ICAM5: variants seen among roughly 807,000 people sequenced by gnomAD.
ICAM5 encodes ICAM-5.
A neutral mutation model predicts 78.8 loss-of-function variants in ICAM5; 38 were observed. The ratio of observed to expected loss-of-function variants is 0.48; its 90% CI spans 0.37 to 0.63. The LOEUF (loss-of-function observed/expected upper bound fraction) is 0.63, where lower values mean the gene tolerates loss of function less well. Ranked by LOEUF, ICAM5 falls within the 30% of genes least tolerant of loss-of-function variation. The pLI is 0.00. For missense variants in ICAM5, 1,059 were observed against 1,303.0 expected, an observed-to-expected ratio of 0.81 and a Z score of 2.88; for synonymous variants, 544 against 590.9, an observed-to-expected ratio of 0.92 and a Z score of 1.15.
Position 10,291,682 on chromosome 19 carries a change from AG to A in ICAM5, c.547del (p.Ala183ProfsTer65), listed in dbSNP as rs774026450. On this transcript the variant is annotated frameshift_variant, in exon 3 of 11. Transcript: ENST00000221980. LOFTEE classifies it high-confidence loss of function. ...CCCGAGCGCGGGGCGCGGTGCTCAC[AG>A]CCACGGTACTGGCTCGGAGGGAGGA... ...PPRARGAVLT[A>X]TVLARREDHG... 1 of 1,612,654 alleles carries A rather than the reference AG, an allele frequency of 6.2e-7. No homozygotes were observed. The highest frequency in any genetic ancestry group is 8.5e-7 in the Non-Finnish European group (1 of 1,179,904).
In ICAM5 at chr19:10,294,696, A is replaced by C; in HGVS notation, c.2230+56A>C. 6.2e-7 allele frequency: 1 copy of C among 1,605,828 alleles called. No individual in the cohort carries two copies. Among genetic ancestry groups the C allele is most frequent in the East Asian group, 2.2e-5 (1 of 44,656 alleles). ...CACGGTCCTCGGAAGAATGACTCGCAGCGGTGGGAGCATTCAAGGGCACCT... is the reference window on the plus strand; with the variant it reads ...CACGGTCCTCGGAAGAATGACTCGCCGCGGTGGGAGCATTCAAGGGCACCT... On this transcript the variant is annotated intron_variant, in intron 9 of 10. Transcript: ENST00000221980. The surrounding 1 kb of genome is among the most constrained non-coding windows in gnomAD (Gnocchi z 7.7).
At chr19:10,292,463 T>C (rs936472248) in intron 4 of ICAM5, 141 bp downstream of exon 4, 7 of 1,364,744 alleles carry the variant, frequency 5.1e-6, no homozygotes, top group Non-Finnish European at 7.0e-6. Context: ...ACGTAATCGC[T>C]GGGGAGGAGG....
At position 10,293,991 on chromosome 19, in the gene ICAM5, G is replaced by T; in HGVS notation, c.1711+48G>T. The T allele has an allele frequency of 6.3e-7, 1 of 1,597,164 alleles. No individual in the cohort carries two copies. Among genetic ancestry groups the T allele is most frequent in the Admixed American group, 1.7e-5 (1 of 59,228 alleles). On this transcript the variant is annotated intron_variant, in intron 7 of 10. Transcript: ENST00000221980. This position sits in a 1 kb window ranked among gnomAD's most constrained non-coding sequence, Gnocchi z 5.0. ...TAGGCAGGATCTGTGGGACAACCCC[G>T]GCTGGACTTCCTGGCCCCCGTGTGA...
At position 10,290,703 on chromosome 19, in the gene ICAM5, C is replaced by T; in HGVS notation, c.83-369C>T. The stretch of plus-strand genomic sequence containing the variant: ...CTCTCCTCGTATCCCGGCATTCTGC[C>T]AGGACCCTGAGAACTGGTTCATCCC... On this transcript the variant is annotated intron_variant, in intron 1 of 10. Transcript: ENST00000221980. The surrounding 1 kb of genome is among the most constrained non-coding windows in gnomAD (Gnocchi z 5.7). 1 of 338,018 alleles carries T rather than the reference C, an allele frequency of 3.0e-6. No individual in the cohort carries two copies. Among genetic ancestry groups the T allele is most frequent in the Non-Finnish European group, 5.4e-6 (1 of 184,032 alleles). The allele number at this position is 338,018 out of a possible 1,614,324, so 20.9% of individuals were successfully genotyped here.
At position 10,290,479 on chromosome 19, in the gene ICAM5, T is replaced by A. The variant is rs1350035161; in HGVS notation, c.82+354T>A. ...TTCCCCACTCGCGGTCCGCGAAGAC[T>A]CCATCTCTCCAACTACCCTGACTCA... On this transcript the variant is annotated intron_variant, in intron 1 of 10. Coordinates refer to ENST00000221980, the MANE Select transcript of ICAM5 (RefSeq NM_003259.4). The surrounding 1 kb of genome is among the most constrained non-coding windows in gnomAD (Gnocchi z 5.7). 1.2e-5 allele frequency: 3 copies of A among 256,988 alleles called. No individual in the cohort carries two copies. Among genetic ancestry groups the A allele is most frequent in the African/African-American group, 4.5e-5 (2 of 44,624 alleles). The allele number at this position is 256,988 out of a possible 1,614,324, so 15.9% of individuals were successfully genotyped here.
chr19:10,290,999 C>G lies in ICAM5; in HGVS notation c.83-73C>G. The G allele has an allele frequency of 1.7e-5, 26 of 1,500,774 alleles. No individual in the cohort carries two copies. The South Asian group carries it at 2.9e-4, about 17-fold the overall frequency. The allele number at this position is 1,500,774 out of a possible 1,614,324, so 93.0% of individuals were successfully genotyped here. A position where few individuals can be genotyped will look rare whatever the true frequency, so the allele number is the denominator to read the frequency against. ...TCCTCCTCCCCGCCCTCTGAGAACC[C>G]TTGACTCGACATAGGGGCGCTAAGA... On this transcript the variant is annotated intron_variant, in intron 1 of 10. Coordinates refer to ENST00000221980, the MANE Select transcript of ICAM5 (RefSeq NM_003259.4). This position sits in a 1 kb window ranked among gnomAD's most constrained non-coding sequence, Gnocchi z 5.7.
In ICAM5 at chr19:10,291,207, G is replaced by C. The variant is rs2040168788; in HGVS notation, c.218G>C (p.Arg73Pro). Residue 73 changes from arginine to proline, a missense_variant, in exon 2 of 11, where the codon CGA (arginine) becomes CCA (proline). Physicochemically the swap from Arg to Pro is moderately radical, Grantham distance 103. Transcript: ENST00000221980. Reference protein sequence around the residue: ...ERGGLETSLRRNGTQRGLRWL... With the variant: ...ERGGLETSLRPNGTQRGLRWL... ...GGTGGCCTGGAGACCTCGCTGCGCC[G>C]AAACGGGACCCAGAGGGGTTTGCGT... is the stretch of plus-strand genomic sequence containing the variant. The C allele has an allele frequency of 6.2e-7, 1 of 1,612,354 alleles. No individual in the cohort carries two copies. The highest frequency in any genetic ancestry group is 8.5e-7 in the Non-Finnish European group (1 of 1,179,904).
chr19:10,291,033 A>C, intron 1 of ICAM5, 39 bp from the exon 2 acceptor site: 1 of 1,574,650 alleles, frequency 6.4e-7, no homozygotes, highest in Non-Finnish European at 8.6e-7. Flanking sequence ...GATGTCAGGG[A>C]GTTGGCTCCC....
In ICAM5 at chr19:10,291,175, G is replaced by T; in HGVS notation, c.186G>T (p.Pro62=). The T allele has an allele frequency of 6.2e-7, 1 of 1,612,282 alleles. No homozygotes were observed. Among genetic ancestry groups the T allele is most frequent in the Non-Finnish European group, 8.5e-7 (1 of 1,179,876 alleles). ...ATTGCAGCACCAACTGCCCTCGGCC[G>T]GAGCGCGGTGGCCTGGAGACCTCGC... ...WLNCSTNCPR[P]ERGGLETSLR... is the part of the protein sequence containing the mutation. The change falls in exon 2 of 11, where the codon CCG becomes CCT. Residue 62 remains proline, a synonymous_variant. Coordinates refer to ENST00000221980, the MANE Select transcript of ICAM5 (RefSeq NM_003259.4).
chr19:10,294,099 G>T lies in ICAM5; in HGVS notation c.1771G>T (p.Gly591Trp), dbSNP rs1416523008. ...CAATTGGACATGGGTGGAAGGATCTGGGCGCCTGTTTTCCTGTGAGGTCGA... is the reference window on the plus strand; with the variant it reads ...CAATTGGACATGGGTGGAAGGATCTTGGCGCCTGTTTTCCTGTGAGGTCGA... The part of the protein sequence containing the change: ...PSNWTWVEGS[G>W]RLFSCEVDGK... The change falls in exon 8 of 11, where the codon GGG becomes TGG. Residue 591 changes from glycine (G) to tryptophan (W), a missense_variant. Coordinates refer to ENST00000221980, the MANE Select transcript of ICAM5 (RefSeq NM_003259.4). This position sits in a 1 kb window ranked among gnomAD's most constrained non-coding sequence, Gnocchi z 7.7. 2 of 1,597,984 alleles carry T rather than the reference G, an allele frequency of 1.3e-6. No homozygotes were observed. Among genetic ancestry groups the T allele is most frequent in the Admixed American group, 1.8e-5 (1 of 56,132 alleles).
rs745563293 is a variant in ICAM5 at position 10,290,040 on chromosome 19, G to T, written c.-4G>T. ...TCGCCTCCTGTGCTTTCCCCGCCGC[G>T]GCGATGCCAGGGCCTTCGCCAGGGC... On this transcript the variant is annotated 5_prime_UTR_variant, in exon 1 of 11. Transcript: ENST00000221980. The surrounding 1 kb of genome is among the most constrained non-coding windows in gnomAD (Gnocchi z 5.7). The T allele has an allele frequency of 6.5e-7, 1 of 1,538,698 alleles. No homozygotes were observed. The highest frequency in any genetic ancestry group is 8.7e-7 in the Non-Finnish European group (1 of 1,144,988).
chr19:10,295,709 C>T lies in ICAM5; in HGVS notation c.2497+97C>T, dbSNP rs559232630. ...GCCCCGCCTGCCTCCCTCTCGGTCC[C>T]GGTAGACTAGACGGAAGTGGGACAG... On this transcript the variant is annotated intron_variant, in intron 10 of 10. Transcript: ENST00000221980. 11 of 1,341,406 alleles carry T rather than the reference C, an allele frequency of 8.2e-6. No individual in the cohort carries two copies. In the African/African-American group the frequency reaches 1.3e-4, roughly 16 times the overall value. The allele number at this position is 1,341,406 out of a possible 1,614,324, so 83.1% of individuals were successfully genotyped here. A position where few individuals can be genotyped will look rare whatever the true frequency, so the allele number is the denominator to read the frequency against.
At position 10,290,183 on chromosome 19, in the gene ICAM5, A is replaced by C. The variant is rs2040159474; in HGVS notation, c.82+58A>C. ...GGCGGGGGCGGAGTCCCTGGACCTG[A>C]GAAACGGCCTCCTGTCCCTCCCAGC... On this transcript the variant is annotated intron_variant, in intron 1 of 10. Transcript: ENST00000221980. The surrounding 1 kb of genome is among the most constrained non-coding windows in gnomAD (Gnocchi z 5.7). 7.7e-7 allele frequency: 1 copy of C among 1,295,216 alleles called. No individual in the cohort carries two copies. Among genetic ancestry groups the C allele is most frequent in the African/African-American group, 1.5e-5 (1 of 64,714 alleles). 80.2% of individuals were successfully genotyped at this position (1,295,216 alleles called of 1,614,324 possible). A position where few individuals can be genotyped will look rare whatever the true frequency, so the allele number is the denominator to read the frequency against.
Position 10,294,466 on chromosome 19 carries a change from T to G in ICAM5, c.2056T>G (p.Ser686Ala). The G allele has an allele frequency of 6.2e-7, 1 of 1,608,988 alleles. No individual in the cohort carries two copies. ...HQTWLEGAEA[S>A]ALACAARGRP... The stretch of plus-strand genomic sequence containing the variant: ...GACGTGGCTGGAAGGGGCTGAGGCT[T>G]CCGCGCTGGCCTGCGCCGCCCGGGG... The change falls in exon 9 of 11, where the codon TCC (serine) becomes GCC (alanine). Residue 686 changes from serine (S) to alanine (A), a missense_variant. Coordinates refer to ENST00000221980, the MANE Select transcript of ICAM5 (RefSeq NM_003259.4). The surrounding 1 kb of genome is among the most constrained non-coding windows in gnomAD (Gnocchi z 7.7).
Position 10,290,968 on chromosome 19 carries a change from C to A in ICAM5, c.83-104C>A. ...CCTGGGTTCTTTCCCTGGCTGCAGC[C>A]TCTCCTCCTCCTCCCCGCCCTCTGA... On this transcript the variant is annotated intron_variant, in intron 1 of 10. Transcript: ENST00000221980. The surrounding 1 kb of genome is among the most constrained non-coding windows in gnomAD (Gnocchi z 5.7). 7.1e-7 allele frequency: 1 copy of A among 1,407,926 alleles called. No homozygotes were observed. The highest frequency in any genetic ancestry group is 9.5e-7 in the Non-Finnish European group (1 of 1,052,890). The allele number at this position is 1,407,926 out of a possible 1,614,324, so 87.2% of individuals were successfully genotyped here.
intron 4 of ICAM5, 94 bp downstream of exon 4, chr19:10,292,416 AGGCGTGGCCCGAGG>A (rs1458131285): frequency 1.4e-6 from 2 of 1,410,096 alleles, no homozygotes; most frequent in Non-Finnish European, 1.9e-6. Context: ...GTACCGGAAC[AGGCGTGGCCCGAGG>A]GGCGGGGCAG....
Position 10,295,377 on chromosome 19 carries a change from GC to G in ICAM5, c.2267del (p.Pro756LeufsTer12). 1.3e-6 allele frequency: 2 copies of G among 1,580,006 alleles called. No homozygotes were observed. On this transcript the variant is annotated frameshift_variant, in exon 10 of 11. Transcript: ENST00000221980. LOFTEE classifies it high-confidence loss of function. ...CAGTGGTGGCCGAACTTGCTGCCTCGCCCCCTGGAGGCGTGCGCCCAGGAGG... is the reference window on the plus strand; with the variant it reads ...CAGTGGTGGCCGAACTTGCTGCCTCGCCCCTGGAGGCGTGCGCCCAGGAGG... Reference protein sequence around the residue: ...RPVVAELAASPPGGVRPGGNF... With the variant: ...RPVVAELAASXPGGVRPGGNF...
In ICAM5 at chr19:10,290,403, C is replaced by G; in HGVS notation, c.82+278C>G. Reference sequence around the variant, plus strand: ...ACCCAGTGTCTCTCCTGTCCGCTCCCCGGGTACCTCCTTACGCTGTGCTGT... The same window carrying G: ...ACCCAGTGTCTCTCCTGTCCGCTCCGCGGGTACCTCCTTACGCTGTGCTGT... On this transcript the variant is annotated intron_variant, in intron 1 of 10. Coordinates refer to ENST00000221980, the MANE Select transcript of ICAM5 (RefSeq NM_003259.4). This position sits in a 1 kb window ranked among gnomAD's most constrained non-coding sequence, Gnocchi z 5.7. 2 of 419,024 alleles carry G rather than the reference C, an allele frequency of 4.8e-6. No homozygotes were observed. Among genetic ancestry groups the G allele is most frequent in the Non-Finnish European group, 8.6e-6 (2 of 233,892 alleles). The allele number at this position is 419,024 out of a possible 1,614,324, so 26.0% of individuals were successfully genotyped here.
chr19:10,293,930 C>G lies in ICAM5; in HGVS notation c.1698C>G (p.Ala566=). The change falls in exon 7 of 11, where the codon GCC becomes GCG. Residue 566 remains alanine, a synonymous_variant. Coordinates refer to ENST00000221980, the MANE Select transcript of ICAM5 (RefSeq NM_003259.4). The surrounding 1 kb of genome is among the most constrained non-coding windows in gnomAD (Gnocchi z 5.0). ...NPRGSAAKNV[A]VTVEYGPRFE... ...GGGGCTCTGCGGCCAAAAATGTGGC[C>G]GTCACGGTGGAATGTGAGTAGGGGC... 1 of 1,612,012 alleles carries G rather than the reference C, an allele frequency of 6.2e-7. No homozygotes were observed. The highest frequency in any genetic ancestry group is 1.1e-5 in the South Asian group (1 of 91,022).
Sources: gnomAD v4.1 joint callset for allele counts on GRCh38, gnomAD v4.1.1 for gene constraint, Gnocchi (gnomAD v3.1) non-coding constraint, MANE v1.5 for transcripts, NCBI Gene and HGNC (gene_info 2026-07-23, HGNC 2026-07-21) for gene names.